The following TENM2 variants were observed in gnomAD, a reference collection of about 807,000 sequenced individuals.
The protein encoded by TENM2 is teneurin-2.
Under a neutral mutation model 245.2 loss-of-function variants are expected in TENM2, and 52 were observed. The ratio of observed to expected loss-of-function variants is 0.21; its 90% CI spans 0.17 to 0.27. The LOEUF (loss-of-function observed/expected upper bound fraction) is 0.27. TENM2 is among the 10% of genes least tolerant of loss of function. The probability of loss-of-function intolerance (pLI) is 1.00; values close to 1 mark genes in which losing one functional copy is unlikely to be tolerated. For synonymous variants in TENM2, 1,363 were observed against 1,438.9 expected, an observed-to-expected ratio of 0.95 and a Z score of 1.19; for missense variants, 3,046 against 3,666.8, an observed-to-expected ratio of 0.83 and a Z score of 4.37.
exon 14 of TENM2, chr5:168,190,503 G>C: frequency 1.2e-6 from 2 of 1,614,002 alleles, no homozygotes; most frequent in Non-Finnish European, 8.5e-7. Context: ...TGGCAGGCAA[G>C]GATAGCACCC....
chr5:168,093,515 C>T lies in TENM2; in HGVS notation c.1711+2746C>T, dbSNP rs955637877. On this transcript the variant is annotated intron_variant, in intron 8 of 28. Coordinates refer to ENST00000518659, the Ensembl canonical transcript of TENM2. Reference sequence around the variant, plus strand: ...AGCAGCCAGGAGTGCTGTAAACCCCCGTGATGTGAAACAGAAGGAAAATGT... The same window carrying T: ...AGCAGCCAGGAGTGCTGTAAACCCCTGTGATGTGAAACAGAAGGAAAATGT... 1.6e-4 allele frequency among the ~76,000 whole-genome samples: 25 copies of T among 152,288 alleles called. 1 individual carries two copies. The highest frequency in any genetic ancestry group is 6.8e-3 in the Middle Eastern group (2 of 294).
intron 3 of TENM2, among the ~76,000 whole-genome samples, chr5:167,920,942 C>T (rs1179112438): frequency 2.6e-5 from 4 of 152,132 alleles, no homozygotes; most frequent in African/African-American, 9.7e-5. Context: ...AGGTTATTAT[C>T]CTCTCTCACC....
At chr5:167,942,850 G>A (rs1167733764) in intron 3 of TENM2, among the ~76,000 whole-genome samples, 4 of 152,170 alleles carry the variant, frequency 2.6e-5, no homozygotes, top group African/African-American at 9.7e-5. Context: ...TCCAGAGAGT[G>A]CTCTCTCTGA....
intron 2 of TENM2, among the ~76,000 whole-genome samples, chr5:167,446,544 G>C (rs1765218168): frequency 6.6e-6 from 1 of 152,160 alleles, no homozygotes; most frequent in Non-Finnish European, 1.5e-5. Flanking sequence ...CCGTTGCTGT[G>C]TATAAGAAGT....
the TENM2 span, among the ~76,000 whole-genome samples, chr5:167,114,918 G>A: frequency 1.3e-5 from 2 of 152,218 alleles, no homozygotes; most frequent in African/African-American, 4.8e-5. Context: ...CAGTGGAGAA[G>A]GGGATATGCC....
chr5:167,568,641 A>G (rs1774062008), intron 2 of TENM2, among the ~76,000 whole-genome samples: 1 of 141,488 alleles, frequency 7.1e-6, no homozygotes, highest in South Asian at 2.3e-4. Context: ...ACAGGCAGAG[A>G]CCATGGTGTG....
chr5:168,174,908 T>C (rs1759212953), intron 13 of TENM2, among the ~76,000 whole-genome samples: 1 of 152,172 alleles, frequency 6.6e-6, no homozygotes, highest in Non-Finnish European at 1.5e-5. Flanking sequence ...TGGAAGGAGT[T>C]TGCTGGGAGA....
In TENM2 at chr5:167,870,554, CAT is replaced by C. The variant is rs60172043; in HGVS notation, c.503-5417_503-5416del. On this transcript the variant is annotated intron_variant, in intron 2 of 28. Coordinates refer to ENST00000518659, the Ensembl canonical transcript of TENM2. ...ACTGAATGTTAAAAGAATGTGTATA[CAT>C]ATATATATATATATGTGTGTGTATA... Among the ~76,000 whole-genome samples, 581 of 128,290 alleles carry C rather than the reference CAT, an allele frequency of 4.5e-3. 5 individuals carry two copies. Among genetic ancestry groups the C allele is most frequent in the Admixed American group, 9.7e-3 (124 of 12,780 alleles). The allele number at this position is 128,290 out of a possible 152,430, so 84.2% of individuals were successfully genotyped here.
chr5:167,560,670 C>T (rs1244268491), intron 2 of TENM2, among the ~76,000 whole-genome samples: 5 of 152,162 alleles, frequency 3.3e-5, no homozygotes, highest in African/African-American at 1.2e-4. Flanking sequence ...CAAATGGGAG[C>T]AAACATATAA....
At chr5:168,075,106 G>A (rs936867054) in intron 7 of TENM2, among the ~76,000 whole-genome samples, 1 of 152,006 alleles carries the variant, frequency 6.6e-6, no homozygotes, top group Non-Finnish European at 1.5e-5. Context: ...TTTCCCCTGA[G>A]GCCCCAAAGT....
At chr5:167,839,857 G>A (rs1035047261) in intron 2 of TENM2, among the ~76,000 whole-genome samples, 9 of 151,892 alleles carry the variant, frequency 5.9e-5, no homozygotes, top group African/African-American at 1.9e-4. Flanking sequence ...TGCTTTTTTT[G>A]TACAGGCTGG....
At chr5:167,684,038 G>A (rs1756916130) in intron 2 of TENM2, among the ~76,000 whole-genome samples, 1 of 152,214 alleles carries the variant, frequency 6.6e-6, no homozygotes, top group South Asian at 2.1e-4. Context: ...TCCTCCTGCA[G>A]CTGGCGAAAG....
intron 13 of TENM2, among the ~76,000 whole-genome samples, chr5:168,184,636 T>C (rs1760225495): frequency 6.6e-6 from 1 of 152,194 alleles, no homozygotes; most frequent in South Asian, 2.1e-4. Context: ...CCTATGAGAA[T>C]GATGATGCAA....
intron 2 of TENM2, among the ~76,000 whole-genome samples, chr5:167,380,987 A>T (rs1021024119): frequency 2.0e-5 from 3 of 152,144 alleles, no homozygotes; most frequent in African/African-American, 7.2e-5. Context: ...TTAAGGTCAT[A>T]AATAAGATGA....
Position 167,426,394 on chromosome 5 carries a change from G to A in TENM2, c.502+50921G>A, listed in dbSNP as rs556934776. Among the ~76,000 whole-genome samples, 17 of 152,018 alleles carry A rather than the reference G, an allele frequency of 1.1e-4. No homozygotes were observed. In the South Asian group the frequency reaches 3.5e-3, roughly 32 times the overall value. The stretch of plus-strand genomic sequence containing the variant: ...AGCTGTTCAGGAGGCTACCCCTCTT[G>A]GGTTTGTTTTCTCTAAAATAAACCT... On this transcript the variant is annotated intron_variant, in intron 2 of 28. Transcript: ENST00000518659.
At chr5:167,730,203 A>C (rs1760321709) in intron 2 of TENM2, among the ~76,000 whole-genome samples, 1 of 152,178 alleles carries the variant, frequency 6.6e-6, no homozygotes, top group African/African-American at 2.4e-5. Flanking sequence ...CTATTTATGA[A>C]AATATCTTGT....
At chr5:167,689,126 G>A (rs978452922) in intron 2 of TENM2, among the ~76,000 whole-genome samples, 2 of 152,148 alleles carry the variant, frequency 1.3e-5, no homozygotes, top group Non-Finnish European at 2.9e-5. Context: ...AATTTATTGA[G>A]GGAAACACCT....
chr5:168,211,487 A>G (rs564119403), intron 19 of TENM2, among the ~76,000 whole-genome samples: 1 of 152,310 alleles, frequency 6.6e-6, no homozygotes, highest in East Asian at 1.9e-4. Flanking sequence ...CTGTCTTGTG[A>G]CAGCCACATT....
chr5:168,179,372 C>T (rs950880174), intron 13 of TENM2, among the ~76,000 whole-genome samples: 1 of 152,172 alleles, frequency 6.6e-6, no homozygotes, highest in Non-Finnish European at 1.5e-5. Context: ...CACAGAGGGA[C>T]TTAAGTGGCT....
Sources: gnomAD v4.1 joint callset for allele counts (sites outside exome capture counted in the v4.1 genomes callset) on GRCh38, gnomAD v4.1.1 for gene constraint, MANE v1.5 for transcripts, NCBI Gene and HGNC (gene_info 2026-07-23, HGNC 2026-07-21) for gene names.